Variants in FLOT2 observed in about 807,000 individuals in gnomAD.
FLOT2 encodes the protein flotillin 2.
FLOT2 carries 35 observed loss-of-function variants against 54.9 expected under a neutral mutation model. The ratio of observed to expected loss-of-function variants is 0.64; its 90% CI spans 0.49 to 0.84. FLOT2 has a LOEUF of 0.84. FLOT2 is among the 40% of genes least tolerant of loss of function. FLOT2 has a pLI of 0.00. For synonymous variants in FLOT2, 207 were observed against 228.9 expected (o/e 0.90, Z 0.86); for missense variants, 464 against 572.1 (o/e 0.81, Z 1.93).
At chr17:28,889,812 G>A (rs2039613482) in intron 1 of FLOT2, among the ~76,000 whole-genome samples, 1 of 151,796 alleles carries the variant, frequency 6.6e-6, no homozygotes. Flanking sequence ...TCTAATTTTT[G>A]TATTCTTAGT....
In FLOT2 at chr17:28,884,031, G is replaced by C. The variant is rs1038084157; in HGVS notation, c.222+194C>G. On this transcript the variant is annotated intron_variant, in intron 3 of 10. Transcript: ENST00000394908. This position sits in a 1 kb window ranked among gnomAD's most constrained non-coding sequence, Gnocchi z 5.1. ...GAGAGAAGGGGTGTCTGTTAGTCCT[G>C]CTGGGTGGCCAAAATGGCCCGGTGA... Among the ~76,000 whole-genome samples, 2 of 152,230 alleles carry C rather than the reference G, an allele frequency of 1.3e-5. No homozygotes were observed. Among genetic ancestry groups the C allele is most frequent in the African/African-American group, 4.8e-5 (2 of 41,466 alleles).
chr17:28,888,008 C>T (rs932278033), intron 2 of FLOT2, among the ~76,000 whole-genome samples: 3 of 152,202 alleles, frequency 2.0e-5, no homozygotes, highest in African/African-American at 4.8e-5. Flanking sequence ...TTGGTGCAGA[C>T]GTGAGCTGCT....
chr17:28,895,287 T>C (rs2039723247), intron 1 of FLOT2, among the ~76,000 whole-genome samples: 1 of 152,180 alleles, frequency 6.6e-6, no homozygotes, highest in African/African-American at 2.4e-5. Flanking sequence ...TGTGCAATAT[T>C]AGTAATATGT....
At chr17:28,887,529 A>G (rs901811798) in intron 2 of FLOT2, among the ~76,000 whole-genome samples, 2 of 152,230 alleles carry the variant, frequency 1.3e-5, no homozygotes, top group African/African-American at 2.4e-5. Context: ...TTGCTGTCAG[A>G]AAGGCTTGGC....
chr17:28,887,177 G>A (rs1354045985), intron 2 of FLOT2, among the ~76,000 whole-genome samples: 1 of 152,146 alleles, frequency 6.6e-6, no homozygotes, highest in Non-Finnish European at 1.5e-5. Context: ...AGGGGTCACT[G>A]AGCCTGGAAG....
intron 8 of FLOT2, 126 bp from the exon 9 acceptor site, chr17:28,881,501 G>T: frequency 9.8e-7 from 1 of 1,020,510 alleles, no homozygotes; most frequent in Non-Finnish European, 1.4e-6. Flanking sequence ...CATTGGAACG[G>T]AGTGGGGTGG....
intron 2 of FLOT2, chr17:28,885,802 G>A (rs964359194): frequency 2.2e-5 from 27 of 1,234,752 alleles, no homozygotes; most frequent in South Asian, 6.4e-5. Flanking sequence ...GCCAGGCCCC[G>A]CAGGGCAGGA....
intron 2 of FLOT2, chr17:28,885,774 G>T: frequency 1.2e-6 from 1 of 867,694 alleles, no homozygotes; most frequent in East Asian, 2.6e-5. Flanking sequence ...CAGGAGGGGA[G>T]TCCATCGGCT....
chr17:28,881,479 C>T (rs908119301), intron 8 of FLOT2, 104 bp from the exon 9 acceptor site: 25 of 1,225,784 alleles, frequency 2.0e-5, no homozygotes, highest in Non-Finnish European at 2.4e-5. Flanking sequence ...TGGGGGCTGT[C>T]GGGGTGGGAG....
In FLOT2 at chr17:28,881,841, C is replaced by A. The variant is rs767049518; in HGVS notation, c.887G>T (p.Arg296Leu). The change falls in exon 8 of 11, where the codon CGC (arginine) becomes CTC (leucine). Residue 296 changes from arginine to leucine, a missense_variant. Arg to Leu is a moderately radical substitution (Grantham distance 102). Transcript: ENST00000394908. The part of the protein sequence containing the change: ...VRRPAEAEAH[R>L]IQQIAEGEKV... ...TTCACCCTCGGCAATCTGCTGGATG[C>A]GGTGGGCCTCGGCCTCGGCAGGCCG... 1.9e-6 allele frequency: 3 copies of A among 1,613,494 alleles called. No individual in the cohort carries two copies. In the Admixed American group the frequency reaches 5.0e-5, roughly 27 times the overall value.
intron 2 of FLOT2, among the ~76,000 whole-genome samples, chr17:28,887,689 A>G (rs903807685): frequency 6.6e-6 from 1 of 152,202 alleles, no homozygotes; most frequent in Non-Finnish European, 1.5e-5. Flanking sequence ...GGGAATGCAC[A>G]GTGTGTGGGG....
Position 28,880,452 on chromosome 17 carries a change from T to TTATC in FLOT2, c.*108_*109insGATA. 2.0e-6 allele frequency: 3 copies of TTATC among 1,537,252 alleles called. No individual in the cohort carries two copies. Among genetic ancestry groups the TTATC allele is most frequent in the Non-Finnish European group, 1.8e-6 (2 of 1,142,224 alleles). ...CTGAACACGCAGCACTTCTGGTCCC[T>TTATC]TCGAGATAAGGCACCAGAGTCAGTA... On this transcript the variant is annotated 3_prime_UTR_variant, in exon 11 of 11. Transcript: ENST00000394908.
At chr17:28,887,846 C>T (rs530928432) in intron 2 of FLOT2, among the ~76,000 whole-genome samples, 1 of 152,314 alleles carries the variant, frequency 6.6e-6, no homozygotes, top group South Asian at 2.1e-4. Context: ...TCCCCAGCAT[C>T]GCTCACCTCT....
At position 28,880,869 on chromosome 17, in the gene FLOT2, G is replaced by A; in HGVS notation, c.1099-7C>T. ...CAGCGATTTTGGCAGCAATCTAGGA[G>A]GTAAGAGTGGGAGGACAGCCTGGTT... On this transcript the variant is annotated splice_polypyrimidine_tract_variant and splice_region_variant and intron_variant, in intron 9 of 10. Coordinates refer to ENST00000394908, the MANE Select transcript of FLOT2 (RefSeq NM_004475.3). The A allele has an allele frequency of 6.2e-7, 1 of 1,613,816 alleles. No individual in the cohort carries two copies. Among genetic ancestry groups the A allele is most frequent in the Non-Finnish European group, 8.5e-7 (1 of 1,179,912 alleles).
rs1285400114 is a variant in FLOT2 at position 28,897,168 on chromosome 17, A to C, written c.49+358T>G. Among the ~76,000 whole-genome samples, 1 of 152,216 alleles carries C rather than the reference A, an allele frequency of 6.6e-6. No individual in the cohort carries two copies. Among genetic ancestry groups the C allele is most frequent in the Non-Finnish European group, 1.5e-5 (1 of 68,024 alleles). ...CATCCCGGGCGCTGGAATCCAGCCAAACCTCTGCGTTCCCGGAACCACCAG... is the reference window on the plus strand; with the variant it reads ...CATCCCGGGCGCTGGAATCCAGCCACACCTCTGCGTTCCCGGAACCACCAG... On this transcript the variant is annotated intron_variant, in intron 1 of 10. Coordinates refer to ENST00000394908, the MANE Select transcript of FLOT2 (RefSeq NM_004475.3). The surrounding 1 kb of genome is among the most constrained non-coding windows in gnomAD (Gnocchi z 4.4).
intron 2 of FLOT2, chr17:28,885,807 G>A (rs1474854899): frequency 7.9e-7 from 1 of 1,267,560 alleles, no homozygotes; most frequent in African/African-American, 1.5e-5. Context: ...GCCCCGCAGG[G>A]CAGGAAGAGA....
At position 28,884,285 on chromosome 17, in the gene FLOT2, G is replaced by C. The variant is rs750006144; in HGVS notation, c.162C>G (p.Pro54=). 2 of 1,612,776 alleles carry C rather than the reference G, an allele frequency of 1.2e-6. No homozygotes were observed. Among genetic ancestry groups the C allele is most frequent in the Non-Finnish European group, 1.7e-6 (2 of 1,179,358 alleles). Residue 54 remains proline (P), a synonymous_variant, in exon 3 of 11, where the codon CCC becomes CCG. Coordinates refer to ENST00000394908, the MANE Select transcript of FLOT2 (RefSeq NM_004475.3). This position sits in a 1 kb window ranked among gnomAD's most constrained non-coding sequence, Gnocchi z 5.1. ...RISLEIMTLQ[P]RCEDVETAEG... is the part of the protein sequence containing the mutation. ...CGGCCGTCTCTACGTCCTCGCAGCG[G>C]GGCTGCAACGTCATAATCTCTAGGG...
chr17:28,887,293 G>C (rs554638577), intron 2 of FLOT2, among the ~76,000 whole-genome samples: 1 of 152,138 alleles, frequency 6.6e-6, no homozygotes, highest in Non-Finnish European at 1.5e-5. Flanking sequence ...ACTCTGACCC[G>C]AGAGGCTCCT....
At position 28,897,401 on chromosome 17, in the gene FLOT2, G is replaced by C; in HGVS notation, c.49+125C>G. ...CTCTCTTGGAAGGGGCCTCAGGTGCGGCCCGGGGGCCAGCGCCCTGCGCCG... is the reference window on the plus strand; with the variant it reads ...CTCTCTTGGAAGGGGCCTCAGGTGCCGCCCGGGGGCCAGCGCCCTGCGCCG... On this transcript the variant is annotated intron_variant, in intron 1 of 10. Transcript: ENST00000394908. The surrounding 1 kb of genome is among the most constrained non-coding windows in gnomAD (Gnocchi z 4.4). The C allele has an allele frequency of 1.1e-6, 1 of 883,542 alleles. No homozygotes were observed. Among genetic ancestry groups the C allele is most frequent in the Non-Finnish European group, 1.7e-6 (1 of 596,346 alleles). The allele number at this position is 883,542 out of a possible 1,614,324, so 54.7% of individuals were successfully genotyped here. A position where few individuals can be genotyped will look rare whatever the true frequency, so the allele number is the denominator to read the frequency against.
Sources: allele counts gnomAD v4.1 joint callset (sites outside exome capture counted in the v4.1 genomes callset), GRCh38; gene constraint gnomAD v4.1.1; non-coding constraint Gnocchi (gnomAD v3.1); transcripts MANE v1.5; gene names NCBI Gene and HGNC (gene_info 2026-07-23, HGNC 2026-07-21).